Variants in CLSTN1 observed in about 807,000 individuals in gnomAD.
The protein encoded by CLSTN1 is calsyntenin 1.
CLSTN1 carries 28 observed loss-of-function variants against 108.3 expected under a neutral mutation model. That is an observed-to-expected ratio of 0.26 (90% confidence interval 0.19 to 0.35). The LOEUF (loss-of-function observed/expected upper bound fraction) is 0.35. Among genes scored for constraint, CLSTN1 ranks in the 10% least tolerant of loss-of-function variants. The pLI, the probability that CLSTN1 is intolerant of heterozygous loss-of-function variation, is 1.00. For missense variants in CLSTN1, 1,157 were observed against 1,302.6 expected (o/e 0.89, Z 1.72); for synonymous variants, 524 against 534.9 (o/e 0.98, Z 0.28).
Position 9,731,845 on chromosome 1 carries a change from C to A in CLSTN1, c.2479G>T (p.Ala827Ser). The A allele has an allele frequency of 6.2e-7, 1 of 1,614,120 alleles. No homozygotes were observed. ...NPMEHANHMA[A>S]QPQFVHPEHR... Reference sequence around the variant, plus strand: ...TCCGGGTGCACGAACTGTGGCTGGGCAGCCATGTGGTTGGCGTGTTCCATG... The same window carrying A: ...TCCGGGTGCACGAACTGTGGCTGGGAAGCCATGTGGTTGGCGTGTTCCATG... Residue 827 changes from alanine (A) to serine (S), a missense_variant, in exon 17 of 19, where the codon GCC becomes TCC. By Grantham distance (99) the Ala-to-Ser change is moderately conservative. Coordinates refer to ENST00000377298, the MANE Select transcript of CLSTN1 (RefSeq NM_001009566.3).
rs1650429855 is a variant in CLSTN1, at chr1:9,732,021, G to A, written c.2428-125C>T. 6.0e-6 allele frequency: 6 copies of A among 1,006,418 alleles called. No individual in the cohort carries two copies. The South Asian group carries it at 9.9e-5, about 17-fold the overall frequency. 62.3% of individuals were successfully genotyped at this position (1,006,418 alleles called of 1,614,324 possible). On this transcript the variant is annotated intron_variant, in intron 16 of 18. Coordinates refer to ENST00000377298, the MANE Select transcript of CLSTN1 (RefSeq NM_001009566.3). ...AGTGGCTCCTGGACCGCAGCTGGGG[G>A]CAAACGGAGCTACGGGAAAAGGACA...
chr1:9,745,476 G>A (rs552797656), intron 7 of CLSTN1, among the ~76,000 whole-genome samples: 2 of 152,028 alleles, frequency 1.3e-5, no homozygotes, highest in African/African-American at 4.8e-5. Context: ...GGACAACATG[G>A]CAAAACCCTG....
intron 1 of CLSTN1, among the ~76,000 whole-genome samples, chr1:9,791,786 G>A (rs1324682481): frequency 3.3e-5 from 5 of 151,084 alleles, no homozygotes; most frequent in African/African-American, 4.8e-5. Flanking sequence ...CGCCTGCCTC[G>A]GCCTCCCAAA....
At chr1:9,793,812 G>A (rs970069945) in intron 1 of CLSTN1, among the ~76,000 whole-genome samples, 3 of 151,424 alleles carry the variant, frequency 2.0e-5, no homozygotes, top group Admixed American at 6.7e-5. Context: ...GAAATGTAAC[G>A]TACAGAATTT....
At chr1:9,822,564 G>C (rs1655229643) in intron 1 of CLSTN1, among the ~76,000 whole-genome samples, 1 of 151,930 alleles carries the variant, frequency 6.6e-6, no homozygotes, top group South Asian at 2.1e-4. Context: ...CAGAACAACA[G>C]ATTTAAGCCT....
rs113488430 is a variant in CLSTN1, at chr1:9,791,925, G to A, written c.92-18531C>T. 9.5e-4 allele frequency among the ~76,000 whole-genome samples: 144 copies of A among 151,180 alleles called. 1 individual carries two copies. Among genetic ancestry groups the A allele is most frequent in the Non-Finnish European group, 1.8e-3 (123 of 67,970 alleles). On this transcript the variant is annotated intron_variant, in intron 1 of 18. Coordinates refer to ENST00000377298, the MANE Select transcript of CLSTN1 (RefSeq NM_001009566.3). ...ACACTTTGGGAGGCTGAGGCGGGTCGATCACCTGAGGTCAGGAGTTCCAGA... is the reference window on the plus strand; with the variant it reads ...ACACTTTGGGAGGCTGAGGCGGGTCAATCACCTGAGGTCAGGAGTTCCAGA...
chr1:9,751,377 A>G (rs10779731), intron 5 of CLSTN1, 96 bp downstream of exon 5: 156,311 of 1,184,596 alleles, frequency 0.13, 18,950 homozygotes, highest in African/African-American at 0.54. Flanking sequence ...TGTGAGTTCC[A>G]TGAAGTTCTG....
chr1:9,811,876 G>A lies in CLSTN1; in HGVS notation c.91+11767C>T, dbSNP rs150798611. Among the ~76,000 whole-genome samples, 378 of 152,194 alleles carry A rather than the reference G, an allele frequency of 2.5e-3. 5 individuals carry two copies. Among genetic ancestry groups the A allele is most frequent in the Non-Finnish European group, 1.8e-3 (123 of 68,000 alleles). On this transcript the variant is annotated intron_variant, in intron 1 of 18. Coordinates refer to ENST00000377298, the MANE Select transcript of CLSTN1 (RefSeq NM_001009566.3). ...ACATAGGCCAGGGGCGATGGCTCAC[G>A]CCTGTAATCACAGCACTTTGGGAGG...
intron 16 of CLSTN1, 142 bp downstream of exon 16, chr1:9,733,259 G>A (rs1420253386): frequency 1.3e-5 from 13 of 1,009,204 alleles, no homozygotes; most frequent in African/African-American, 4.8e-5. Flanking sequence ...GCCCCAGGCT[G>A]GAAAGGCGAC....
At position 9,788,875 on chromosome 1, in the gene CLSTN1, A is replaced by C. The variant is rs572440664; in HGVS notation, c.92-15481T>G. Among the ~76,000 whole-genome samples, 694 of 151,096 alleles carry C rather than the reference A, an allele frequency of 4.6e-3. 8 individuals are homozygous for C. Among genetic ancestry groups the C allele is most frequent in the African/African-American group, 0.015 (623 of 41,422 alleles). ...AGAGCGAGACTCCGTCTCAAAAAAA[A>C]AAAAAAAAAAAAACAAAAGGAATTT... On this transcript the variant is annotated intron_variant, in intron 1 of 18. Transcript: ENST00000377298.
At chr1:9,821,637 T>G (rs1655194450) in intron 1 of CLSTN1, among the ~76,000 whole-genome samples, 1 of 152,164 alleles carries the variant, frequency 6.6e-6, no homozygotes, top group African/African-American at 2.4e-5. Context: ...CGTAAAAAAT[T>G]CAATTAGTTG....
Position 9,731,340 on chromosome 1 carries a change from C to T in CLSTN1, c.2614G>A (p.Val872Met). The T allele has an allele frequency of 6.2e-7, 1 of 1,614,274 alleles. No homozygotes were observed. Among genetic ancestry groups the T allele is most frequent in the South Asian group, 1.1e-5 (1 of 91,092 alleles). Residue 872 changes from valine to methionine, a missense_variant, in exon 18 of 19, where the codon GTG (valine) becomes ATG (methionine). Physicochemically the swap from Val to Met is conservative, Grantham distance 21. Transcript: ENST00000377298. ...VVIVVCVSFL[V>M]FMIILGVFRI... is the part of the protein sequence containing the mutation. Reference sequence around the variant, plus strand: ...AATACCCCCAGGATAATCATGAACACCAGGAAGCTGACGCACACCACGATC... The same window carrying T: ...AATACCCCCAGGATAATCATGAACATCAGGAAGCTGACGCACACCACGATC...
chr1:9,784,497 C>T (rs943967021), intron 1 of CLSTN1, among the ~76,000 whole-genome samples: 4 of 152,152 alleles, frequency 2.6e-5, no homozygotes, highest in Non-Finnish European at 5.9e-5. Flanking sequence ...GAGAACAAGA[C>T]TATCTCTAAA....
At chr1:9,772,283 G>A (rs1430312835) in intron 2 of CLSTN1, among the ~76,000 whole-genome samples, 1 of 150,130 alleles carries the variant, frequency 6.7e-6, no homozygotes, top group Non-Finnish European at 1.5e-5. Flanking sequence ...TGCCCGGCCA[G>A]AACACTCTTT....
At chr1:9,776,862 TTATCTATCTATCTATCTATC>T (rs70998308) in intron 1 of CLSTN1, among the ~76,000 whole-genome samples, 2 of 140,020 alleles carry the variant, frequency 1.4e-5, no homozygotes, top group African/African-American at 3.0e-5. Context: ...CTATCAGCAT[TTATCTATCTATCTATCTATC>T]TATCTATCTA....
chr1:9,759,688 TA>T (rs1651977015), intron 2 of CLSTN1, among the ~76,000 whole-genome samples: 1 of 152,222 alleles, frequency 6.6e-6, no homozygotes, highest in South Asian at 2.1e-4. Context: ...GTTGCAGAGT[TA>T]CATCATTGCG....
intron 7 of CLSTN1, among the ~76,000 whole-genome samples, chr1:9,747,971 G>A (rs1354784651): frequency 2.0e-5 from 3 of 151,770 alleles, no homozygotes; most frequent in African/African-American, 4.8e-5. Flanking sequence ...GTGAACCCAG[G>A]AGGCGGAGCT....
At chr1:9,785,518 T>C (rs1321444178) in intron 1 of CLSTN1, among the ~76,000 whole-genome samples, 1 of 152,154 alleles carries the variant, frequency 6.6e-6, no homozygotes, top group Non-Finnish European at 1.5e-5. Flanking sequence ...CAGACAATGT[T>C]TAGCTGTGGG....
chr1:9,807,648 C>T (rs906481187), intron 1 of CLSTN1, among the ~76,000 whole-genome samples: 1 of 152,258 alleles, frequency 6.6e-6, no homozygotes, highest in African/African-American at 2.4e-5. Context: ...AAAGGCGTGG[C>T]CACCGTGAAG....
Sources: gnomAD v4.1 joint callset for allele counts (sites outside exome capture counted in the v4.1 genomes callset) on GRCh38, gnomAD v4.1.1 for gene constraint, MANE v1.5 for transcripts, NCBI Gene and HGNC (gene_info 2026-07-23, HGNC 2026-07-21) for gene names.